ATP6V1C2: variants seen among roughly 807,000 people sequenced by gnomAD.
ATP6V1C2 encodes the protein ATPase H+ transporting V1 subunit C2, also known as V-type proton ATPase subunit C 2.
ATP6V1C2 carries 45 observed loss-of-function variants against 56.8 expected under a neutral mutation model. That is an observed-to-expected ratio of 0.79 (90% CI 0.62 to 1.02). The LOEUF is 1.02. Ranked by LOEUF, ATP6V1C2 falls within the 50% of genes least tolerant of loss-of-function variation. ATP6V1C2 has a pLI of 0.00. For missense variants in ATP6V1C2, 463 were observed against 519.7 expected, an observed-to-expected ratio of 0.89 and a Z score of 1.06; for synonymous variants, 220 against 201.3, an observed-to-expected ratio of 1.09 and a Z score of -0.79.
At chr2:10,775,987 G>A (rs1440205339) in intron 10 of ATP6V1C2, among the ~76,000 whole-genome samples, 3 of 152,104 alleles carry the variant, frequency 2.0e-5, no homozygotes, top group African/African-American at 4.8e-5. Flanking sequence ...CCGTGGCCGC[G>A]GGCAGGCTGG....
intron 4 of ATP6V1C2, among the ~76,000 whole-genome samples, chr2:10,754,274 G>T (rs146915976): frequency 6.6e-6 from 1 of 152,046 alleles, no homozygotes; most frequent in South Asian, 2.1e-4. Flanking sequence ...TGTTGCCCAC[G>T]CTGGAGTGTG....
chr2:10,739,816 A>G (rs1006821639), intron 3 of ATP6V1C2, among the ~76,000 whole-genome samples: 1 of 152,054 alleles, frequency 6.6e-6, no homozygotes, highest in African/African-American at 2.4e-5. Flanking sequence ...AACTTTACCA[A>G]TGGTCGGGCA....
rs897606354 is a variant in ATP6V1C2, at chr2:10,742,619, G to T, written c.198-11362G>T. On this transcript the variant is annotated intron_variant, in intron 3 of 13. Transcript: ENST00000272238. ...GAGTCCTGGGGGCCCTGCATGGCAGGAATGTCCTGGCTGTGGGTGCGGAAG... is the reference window on the plus strand; with the variant it reads ...GAGTCCTGGGGGCCCTGCATGGCAGTAATGTCCTGGCTGTGGGTGCGGAAG... Among the ~76,000 whole-genome samples, 7 of 152,120 alleles carry T rather than the reference G, an allele frequency of 4.6e-5. 1 individual carries two copies. Among genetic ancestry groups the T allele is most frequent in the Admixed American group, 3.3e-4 (5 of 15,274 alleles).
Position 10,763,140 on chromosome 2 carries a change from A to G in ATP6V1C2, c.284-1191A>G, listed in dbSNP as rs1189552873. 4.6e-5 allele frequency among the ~76,000 whole-genome samples: 7 copies of G among 151,552 alleles called. No individual in the cohort carries two copies. Among genetic ancestry groups the G allele is most frequent in the Admixed American group, 4.6e-4 (7 of 15,204 alleles). On this transcript the variant is annotated intron_variant, in intron 4 of 13. Coordinates refer to ENST00000272238, the MANE Select transcript of ATP6V1C2 (RefSeq NM_001039362.2). The surrounding 1 kb of genome is among the most constrained non-coding windows in gnomAD (Gnocchi z 4.2). The stretch of plus-strand genomic sequence containing the variant: ...GACATGACCCTTGGTGACCGATCCT[A>G]CCCCTTTCTGTTCAGCATCCGTCCA...
chr2:10,753,349 G>A (rs1262755460), intron 3 of ATP6V1C2, among the ~76,000 whole-genome samples: 1 of 152,090 alleles, frequency 6.6e-6, no homozygotes, highest in East Asian at 1.9e-4. Flanking sequence ...TAATCCCTCA[G>A]CTGGATATAC....
At chr2:10,769,982 C>G (rs1342017977) in intron 6 of ATP6V1C2, 2 of 152,288 alleles carry the variant, frequency 1.3e-5, no homozygotes, top group African/African-American at 4.8e-5. Context: ...CTACTGTAAG[C>G]AAAGAGAATG....
intron 4 of ATP6V1C2, among the ~76,000 whole-genome samples, chr2:10,755,670 C>T (rs1379945400): frequency 6.6e-6 from 1 of 152,222 alleles, no homozygotes; most frequent in Admixed American, 6.5e-5. Context: ...TCCAGAGCCA[C>T]CACTCTCCCC....
At chr2:10,782,766 G>A (rs990820014) in intron 13 of ATP6V1C2, among the ~76,000 whole-genome samples, 3 of 147,352 alleles carry the variant, frequency 2.0e-5, no homozygotes, top group African/African-American at 7.6e-5. Context: ...GGGAGGCGGA[G>A]GTTGCAGTGA....
At chr2:10,781,171 G>C (rs1665326234) in intron 12 of ATP6V1C2, among the ~76,000 whole-genome samples, 1 of 152,162 alleles carries the variant, frequency 6.6e-6, no homozygotes, top group African/African-American at 2.4e-5. Flanking sequence ...TGTCCCTTAA[G>C]GACCTAGGGT....
intron 3 of ATP6V1C2, among the ~76,000 whole-genome samples, chr2:10,735,598 T>TC (rs1024396515): frequency 1.3e-5 from 2 of 151,914 alleles, no homozygotes; most frequent in Admixed American, 6.6e-5. Context: ...TTTTTTTTTT[T>TC]TCTCTCTTTT....
upstream of ATP6V1C2, among the ~76,000 whole-genome samples, chr2:10,721,324 G>A (rs892856692): frequency 2.0e-5 from 3 of 152,162 alleles, no homozygotes; most frequent in Admixed American, 2.0e-4. Context: ...CGAGCTCAGA[G>A]CCTTTTCCCG....
At chr2:10,732,856 A>C (rs1662035804) in intron 3 of ATP6V1C2, among the ~76,000 whole-genome samples, 1 of 151,732 alleles carries the variant, frequency 6.6e-6, no homozygotes, top group African/African-American at 2.4e-5. Context: ...CTGTAGTCCC[A>C]GCTACTTGGG....
intron 3 of ATP6V1C2, among the ~76,000 whole-genome samples, chr2:10,739,450 C>T (rs1226006179): frequency 6.6e-6 from 1 of 152,088 alleles, no homozygotes; most frequent in Non-Finnish European, 1.5e-5. Context: ...GCTAGACTTC[C>T]TGACTAGCTG....
chr2:10,783,526 C>T lies in ATP6V1C2; in HGVS notation c.*263C>T. On this transcript the variant is annotated 3_prime_UTR_variant, in exon 14 of 14. Coordinates refer to ENST00000272238, the MANE Select transcript of ATP6V1C2 (RefSeq NM_001039362.2). ...ACTACCTGTTCGCATTGGTAACCTG[C>T]TGCTGTATTTCATGTCTTAACGGCT... 1 of 352,078 alleles carries T rather than the reference C, an allele frequency of 2.8e-6. No homozygotes were observed. Among genetic ancestry groups the T allele is most frequent in the Admixed American group, 4.5e-5 (1 of 22,262 alleles). 21.8% of individuals were successfully genotyped at this position (352,078 alleles called of 1,614,324 possible).
intron 8 of ATP6V1C2, among the ~76,000 whole-genome samples, chr2:10,773,742 G>A (rs1664778525): frequency 6.6e-6 from 1 of 152,186 alleles, no homozygotes; most frequent in South Asian, 2.1e-4. Flanking sequence ...ATTTGAAGAG[G>A]TTTTAGAATG....
In ATP6V1C2 at chr2:10,772,543, C is replaced by A; in HGVS notation, c.571C>A (p.Pro191Thr). The A allele has an allele frequency of 6.2e-7, 1 of 1,613,720 alleles. No individual in the cohort carries two copies. The highest frequency in any genetic ancestry group is 8.5e-7 in the Non-Finnish European group (1 of 1,179,642). ...LVTLLVIVPK[P>T]NYSQWQKTYE... The stretch of plus-strand genomic sequence containing the variant: ...CGTAACGATTCTATGTTCTTGCAGA[C>A]CAAACTACTCACAATGGCAAAAAAC... Residue 191 changes from proline (P) to threonine (T), a missense_variant and splice_region_variant, in exon 8 of 14, where the codon CCA becomes ACA. Coordinates refer to ENST00000272238, the MANE Select transcript of ATP6V1C2 (RefSeq NM_001039362.2).
chr2:10,773,175 C>T (rs1572605619), intron 8 of ATP6V1C2, among the ~76,000 whole-genome samples: 1 of 152,172 alleles, frequency 6.6e-6, no homozygotes, highest in South Asian at 2.1e-4. Flanking sequence ...AAGGCAGCTG[C>T]AGAGGAGCAG....
intron 3 of ATP6V1C2, among the ~76,000 whole-genome samples, chr2:10,733,201 T>C (rs1269009011): frequency 6.6e-6 from 1 of 152,214 alleles, no homozygotes; most frequent in African/African-American, 2.4e-5. Flanking sequence ...GTCAAAATTC[T>C]AATCTTAGCT....
chr2:10,735,887 C>T (rs1460625896), intron 3 of ATP6V1C2, among the ~76,000 whole-genome samples: 2 of 152,068 alleles, frequency 1.3e-5, no homozygotes, highest in African/African-American at 2.4e-5. Flanking sequence ...CTGTGCCAGG[C>T]CCTCCTGGAG....
Sources: allele counts gnomAD v4.1 joint callset (sites outside exome capture counted in the v4.1 genomes callset), GRCh38; gene constraint gnomAD v4.1.1; non-coding constraint Gnocchi (gnomAD v3.1); transcripts MANE v1.5; gene names NCBI Gene and HGNC (gene_info 2026-07-23, HGNC 2026-07-21).